MIPOL1: variants seen among roughly 807,000 people sequenced by gnomAD.
The protein encoded by MIPOL1 is mirror-image polydactyly 1.
A neutral mutation model predicts 60.9 loss-of-function variants in MIPOL1; 57 were observed. That is an observed-to-expected ratio of 0.94 (90% CI 0.76 to 1.17). The LOEUF is 1.17. MIPOL1 is among the 50% of genes most tolerant of loss of function. MIPOL1 has a pLI of 0.00. For synonymous variants in MIPOL1, 179 were observed against 168.8 expected (o/e 1.06, Z -0.47); for missense variants, 551 against 511.6 (o/e 1.08, Z -0.74).
intron 9 of MIPOL1, among the ~76,000 whole-genome samples, chr14:37,366,244 T>A (rs1284529037): frequency 1.3e-5 from 2 of 152,026 alleles, no homozygotes; most frequent in Non-Finnish European, 2.9e-5. Flanking sequence ...GATGCATTGT[T>A]AGGTTGTTTG....
intron 9 of MIPOL1, among the ~76,000 whole-genome samples, chr14:37,366,779 C>T (rs2092483668): frequency 6.6e-6 from 1 of 151,844 alleles, no homozygotes; most frequent in South Asian, 2.1e-4. Context: ...GTATTGGAGC[C>T]TATATCTCTC....
At chr14:37,432,999 T>A (rs2094101140) in intron 11 of MIPOL1, among the ~76,000 whole-genome samples, 1 of 152,184 alleles carries the variant, frequency 6.6e-6, no homozygotes, top group African/African-American at 2.4e-5. Flanking sequence ...GCCTGGCAAG[T>A]CTGAAAATCT....
chr14:37,323,845 G>C (rs1334738720), intron 9 of MIPOL1, among the ~76,000 whole-genome samples: 1 of 151,818 alleles, frequency 6.6e-6, no homozygotes, highest in Admixed American at 6.6e-5. Context: ...AGAATTTTAT[G>C]TAAGTGGTAT....
At chr14:37,334,041 G>C (rs545065939) in intron 9 of MIPOL1, among the ~76,000 whole-genome samples, 3 of 152,016 alleles carry the variant, frequency 2.0e-5, no homozygotes, top group Admixed American at 1.3e-4. Flanking sequence ...AAGATATTTA[G>C]AATAGGAAAT....
chr14:37,261,137 A>G (rs1269415361), intron 3 of MIPOL1, among the ~76,000 whole-genome samples: 3 of 152,032 alleles, frequency 2.0e-5, no homozygotes, highest in African/African-American at 7.2e-5. Context: ...AGTTTTAACC[A>G]TCTTAAGTAT....
At chr14:37,211,467 A>G (rs1308000366) in intron 1 of MIPOL1, among the ~76,000 whole-genome samples, 1 of 152,142 alleles carries the variant, frequency 6.6e-6, no homozygotes, top group Non-Finnish European at 1.5e-5. Flanking sequence ...TTAGGGCAGA[A>G]AGGAAAAGCA....
At chr14:37,468,862 G>A (rs533744248) in intron 11 of MIPOL1, among the ~76,000 whole-genome samples, 8 of 152,152 alleles carry the variant, frequency 5.3e-5, no homozygotes, top group African/African-American at 7.2e-5. Flanking sequence ...GTAAAGGGAG[G>A]TAGTGTCAGT....
chr14:37,335,194 C>A (rs1191750002), intron 9 of MIPOL1, among the ~76,000 whole-genome samples: 1 of 152,036 alleles, frequency 6.6e-6, no homozygotes, highest in Non-Finnish European at 1.5e-5. Context: ...TTTATTATAA[C>A]CATCCCGGTG....
At chr14:37,302,262 G>GTTTTTTTTTTTTTTTTTTTTT (rs57468146) in intron 7 of MIPOL1, among the ~76,000 whole-genome samples, 2 of 95,032 alleles carry the variant, frequency 2.1e-5, no homozygotes, top group Non-Finnish European at 4.2e-5. Flanking sequence ...TGGAACTGTT[G>GTTTTTTTTTTTTTTTTTTTTT]TTTTTTTTTT....
intron 10 of MIPOL1, among the ~76,000 whole-genome samples, chr14:37,404,156 T>G (rs2093544795): frequency 6.6e-6 from 1 of 152,208 alleles, no homozygotes; most frequent in Non-Finnish European, 1.5e-5. Context: ...AATATTATAT[T>G]TCAGAAAGTG....
intron 11 of MIPOL1, among the ~76,000 whole-genome samples, chr14:37,457,308 C>G (rs1183709656): frequency 2.6e-5 from 4 of 152,158 alleles, no homozygotes; most frequent in African/African-American, 9.6e-5. Context: ...TCATTCATTG[C>G]TCTTTCCTTA....
At chr14:37,239,215 T>C (rs2153340824) in intron 1 of MIPOL1, among the ~76,000 whole-genome samples, 1 of 151,858 alleles carries the variant, frequency 6.6e-6, no homozygotes, top group African/African-American at 2.4e-5. Context: ...CCAGCTAATT[T>C]TTTGTATTTT....
rs41394648 is a variant in MIPOL1, at chr14:37,399,325, A to G, written c.937-23530A>G. Among the ~76,000 whole-genome samples the G allele has an allele frequency of 5.8e-3, 879 of 152,228 alleles. 10 individuals carry two copies. The highest frequency in any genetic ancestry group is 0.02 in the African/African-American group (845 of 41,546). On this transcript the variant is annotated intron_variant, in intron 10 of 12. Coordinates refer to ENST00000684589, the MANE Select transcript of MIPOL1 (RefSeq NM_001388067.1). The stretch of plus-strand genomic sequence containing the variant: ...TGATTAAAAATACTTGCCCTATGAG[A>G]TTCCATCTTCGTATATGCTTTCACA...
intron 11 of MIPOL1, among the ~76,000 whole-genome samples, chr14:37,439,946 C>T (rs1407504000): frequency 6.6e-6 from 1 of 152,102 alleles, no homozygotes; most frequent in Non-Finnish European, 1.5e-5. Context: ...GCAGCCTCCC[C>T]CTCCAAGGGT....
At chr14:37,236,767 T>C (rs894012310) in intron 1 of MIPOL1, among the ~76,000 whole-genome samples, 1 of 152,076 alleles carries the variant, frequency 6.6e-6, no homozygotes, top group African/African-American at 2.4e-5. Context: ...CTGTTCCTTG[T>C]TGTGTGTGAT....
chr14:37,398,452 G>A (rs1417870301), intron 10 of MIPOL1, among the ~76,000 whole-genome samples: 2 of 152,084 alleles, frequency 1.3e-5, no homozygotes, highest in African/African-American at 4.8e-5. Context: ...GCATGCTGCT[G>A]TGTCCATCCG....
chr14:37,476,582 G>A (rs988357192), intron 11 of MIPOL1, among the ~76,000 whole-genome samples: 1 of 152,128 alleles, frequency 6.6e-6, no homozygotes, highest in Non-Finnish European at 1.5e-5. Context: ...TAGATGTTCT[G>A]TATAAAATTG....
chr14:37,209,863 G>A (rs1198946161), intron 1 of MIPOL1, among the ~76,000 whole-genome samples: 1 of 151,442 alleles, frequency 6.6e-6, no homozygotes, highest in Non-Finnish European at 1.5e-5. Context: ...CACCACACCT[G>A]GCTAATTTTT....
At chr14:37,513,461 G>A (rs2095344994) in intron 12 of MIPOL1, among the ~76,000 whole-genome samples, 1 of 151,884 alleles carries the variant, frequency 6.6e-6, no homozygotes, top group Non-Finnish European at 1.5e-5. Context: ...TTAACTATGG[G>A]GAATGTCTCA....
Sources: allele counts gnomAD v4.1 joint callset (sites outside exome capture counted in the v4.1 genomes callset), GRCh38; gene constraint gnomAD v4.1.1; transcripts MANE v1.5; gene names NCBI Gene and HGNC (gene_info 2026-07-23, HGNC 2026-07-21).